Variants in CSMD1 observed in about 807,000 individuals in gnomAD.
CSMD1 encodes the protein CUB and Sushi multiple domains 1.
Under a neutral mutation model 417.5 loss-of-function variants are expected in CSMD1, and 213 were observed. The observed-to-expected ratio is 0.51, with a 90% CI of 0.46 to 0.57. CSMD1 has a LOEUF of 0.57. CSMD1 is among the 20% of genes least tolerant of loss of function. CSMD1 has a pLI of 0.00. For synonymous variants in CSMD1, 2,862 were observed against 1,736.8 expected, an observed-to-expected ratio of 1.65 and a Z score of -16.11; for missense variants, 6,923 against 4,529.7, an observed-to-expected ratio of 1.53 and a Z score of -15.17.
chr8:4,223,616 G>C (rs547993009), intron 3 of CSMD1, among the ~76,000 whole-genome samples: 3 of 152,242 alleles, frequency 2.0e-5, no homozygotes, highest in Admixed American at 6.5e-5. Context: ...CCATGGGAAA[G>C]AATAGATTAG....
At chr8:3,030,726 C>G (rs945238787) in intron 50 of CSMD1, among the ~76,000 whole-genome samples, 1 of 152,012 alleles carries the variant, frequency 6.6e-6, no homozygotes, top group African/African-American at 2.4e-5. Context: ...CTCAAGCGAT[C>G]CACCCACCTT....
chr8:3,590,171 A>G (rs1800785774), intron 8 of CSMD1, among the ~76,000 whole-genome samples: 1 of 152,182 alleles, frequency 6.6e-6, no homozygotes, highest in Non-Finnish European at 1.5e-5. Flanking sequence ...GAAAATAACT[A>G]TGATCTATCT....
At chr8:4,248,779 T>A (rs1356744509) in intron 3 of CSMD1, among the ~76,000 whole-genome samples, 5 of 152,074 alleles carry the variant, frequency 3.3e-5, no homozygotes, top group Non-Finnish European at 7.4e-5. Context: ...TTACTGTCAG[T>A]TTTCCTCCTC....
chr8:3,781,808 T>C (rs1307490697), intron 5 of CSMD1, among the ~76,000 whole-genome samples: 1 of 152,346 alleles, frequency 6.6e-6, no homozygotes, highest in Non-Finnish European at 1.5e-5. Flanking sequence ...AAAAAAGTTA[T>C]GACTTTTTAT....
chr8:3,759,122 C>T (rs748202336), intron 5 of CSMD1, among the ~76,000 whole-genome samples: 8 of 152,160 alleles, frequency 5.3e-5, no homozygotes, highest in South Asian at 2.1e-4. Context: ...ATAATAAACA[C>T]GTGTTGGTTT....
intron 1 of CSMD1, among the ~76,000 whole-genome samples, chr8:4,977,502 G>A (rs953772734): frequency 1.3e-5 from 2 of 152,124 alleles, no homozygotes; most frequent in African/African-American, 4.8e-5. Flanking sequence ...TCTTCACATT[G>A]GCATGAAAAC....
chr8:4,516,547 T>C (rs1452914963), intron 2 of CSMD1, among the ~76,000 whole-genome samples: 1 of 152,138 alleles, frequency 6.6e-6, no homozygotes, highest in East Asian at 1.9e-4. Flanking sequence ...CTGCTTGGTG[T>C]GGCCCCCAGC....
At chr8:4,493,998 C>A (rs1057446227) in intron 2 of CSMD1, among the ~76,000 whole-genome samples, 13 of 152,108 alleles carry the variant, frequency 8.5e-5, no homozygotes, top group African/African-American at 2.9e-4. Flanking sequence ...AGCATGTACA[C>A]ATAGATATAG....
At chr8:4,088,213 G>A (rs775835860) in intron 3 of CSMD1, among the ~76,000 whole-genome samples, 1 of 152,172 alleles carries the variant, frequency 6.6e-6, no homozygotes, top group Non-Finnish European at 1.5e-5. Flanking sequence ...AAAGATGACT[G>A]ATCTCTGCCT....
intron 1 of CSMD1, among the ~76,000 whole-genome samples, chr8:4,836,029 G>C (rs1261029754): frequency 6.6e-6 from 1 of 152,122 alleles, no homozygotes; most frequent in Non-Finnish European, 1.5e-5. Context: ...AATAAATAGA[G>C]ATGGTTTCTG....
chr8:4,648,597 A>G (rs1005744879), intron 1 of CSMD1, among the ~76,000 whole-genome samples: 33 of 152,288 alleles, frequency 2.2e-4, no homozygotes, highest in African/African-American at 7.9e-4. Context: ...TTTTTTTTGC[A>G]CAGTGGCTGC....
chr8:3,410,032 C>T (rs1436507383), intron 12 of CSMD1, among the ~76,000 whole-genome samples: 1 of 152,174 alleles, frequency 6.6e-6, no homozygotes. Context: ...TAAATAGAAT[C>T]TATTTGAATA....
At chr8:4,126,445 T>A (rs771577378) in intron 3 of CSMD1, among the ~76,000 whole-genome samples, 1 of 152,076 alleles carries the variant, frequency 6.6e-6, no homozygotes. Context: ...CAAACCAACA[T>A]AGTAACATAG....
intron 5 of CSMD1, among the ~76,000 whole-genome samples, chr8:3,904,148 T>C (rs1328753721): frequency 1.3e-5 from 2 of 152,196 alleles, no homozygotes; most frequent in African/African-American, 4.8e-5. Flanking sequence ...TGGATAAATA[T>C]TATTTTCACT....
At chr8:4,511,984 C>CA (rs936705758) in intron 2 of CSMD1, among the ~76,000 whole-genome samples, 11 of 151,842 alleles carry the variant, frequency 7.2e-5, no homozygotes, top group African/African-American at 2.7e-4. Flanking sequence ...AGAGGCATTC[C>CA]AAAAAAAGAA....
At chr8:4,211,951 T>C (rs1800337030) in intron 3 of CSMD1, among the ~76,000 whole-genome samples, 1 of 152,120 alleles carries the variant, frequency 6.6e-6, no homozygotes, top group Non-Finnish European at 1.5e-5. Flanking sequence ...TCAACTGTAT[T>C]CCTATCTTAG....
chr8:4,683,855 T>G (rs1041035357), intron 1 of CSMD1, among the ~76,000 whole-genome samples: 2 of 152,250 alleles, frequency 1.3e-5, no homozygotes, highest in Non-Finnish European at 2.9e-5. Context: ...AATATGAATC[T>G]GTTCATTTGG....
At chr8:4,159,300 T>C (rs529190633) in intron 3 of CSMD1, among the ~76,000 whole-genome samples, 1 of 152,312 alleles carries the variant, frequency 6.6e-6, no homozygotes, top group South Asian at 2.1e-4. Flanking sequence ...ACCTCAAGTA[T>C]TTTAAAAGCT....
At chr8:4,454,081 C>T (rs1238481367) in intron 2 of CSMD1, among the ~76,000 whole-genome samples, 1 of 152,110 alleles carries the variant, frequency 6.6e-6, no homozygotes, top group African/African-American at 2.4e-5. Flanking sequence ...CTCGGCCTCC[C>T]TAAGTGCTGG....
Sources: gnomAD v4.1 joint callset for allele counts (sites outside exome capture counted in the v4.1 genomes callset) on GRCh38, gnomAD v4.1.1 for gene constraint, MANE v1.5 for transcripts, NCBI Gene and HGNC (gene_info 2026-07-23, HGNC 2026-07-21) for gene names.